Variants in KANK1 observed in about 807,000 individuals in gnomAD.
KANK1 encodes KN motif and ankyrin repeat domain-containing protein 1.
In KANK1, 109 loss-of-function variants were observed where a neutral mutation model predicts 106.2. That is an observed-to-expected ratio of 1.03 (90% CI 0.88 to 1.20). The LOEUF (loss-of-function observed/expected upper bound fraction) is 1.20. Among genes scored for constraint, KANK1 ranks in the 50% most tolerant of loss-of-function variants. The pLI, the probability that KANK1 is intolerant of heterozygous loss-of-function variation, is 0.00. For synonymous variants in KANK1, 873 were observed against 652.2 expected (o/e 1.34, Z -5.16); for missense variants, 2,399 against 1,710.7 (o/e 1.40, Z -7.10).
At chr9:496,329 G>T (rs543146367) in intron 3 of KANK1, among the ~76,000 whole-genome samples, 1 of 152,100 alleles carries the variant, frequency 6.6e-6, no homozygotes, top group Admixed American at 6.5e-5. Context: ...CGAGGCGAGC[G>T]GATCACTTGA....
chr9:482,713 C>T (rs1354432084), intron 3 of KANK1, among the ~76,000 whole-genome samples: 11 of 152,210 alleles, frequency 7.2e-5, no homozygotes. Flanking sequence ...ACCTGCTGGC[C>T]TATCATTGGA....
intron 1 of KANK1, among the ~76,000 whole-genome samples, chr9:624,873 G>C (rs1242009759): frequency 2.0e-5 from 3 of 152,138 alleles, no homozygotes; most frequent in Admixed American, 6.5e-5. Flanking sequence ...CCACCAGTGA[G>C]AGCCCATCTC....
At chr9:551,150 A>C (rs568387603) in intron 1 of KANK1, among the ~76,000 whole-genome samples, 3 of 151,990 alleles carry the variant, frequency 2.0e-5, no homozygotes, top group African/African-American at 7.2e-5. Flanking sequence ...GATTGTCATA[A>C]GAAGCTCAGG....
chr9:724,327 G>A (rs75461441), intron 3 of KANK1, among the ~76,000 whole-genome samples: 2,033 of 152,174 alleles, frequency 0.013, 61 homozygotes, highest in African/African-American at 0.047. Flanking sequence ...GAAACCAGAT[G>A]TTTTCTAATC....
intron 1 of KANK1, among the ~76,000 whole-genome samples, chr9:631,485 C>T (rs1453877170): frequency 6.6e-6 from 1 of 152,146 alleles, no homozygotes; most frequent in Admixed American, 6.6e-5. Context: ...CCAGCCCAGA[C>T]CTCCCTCCTA....
chr9:574,854 CAAAAAAAA>C (rs57091352), intron 1 of KANK1, among the ~76,000 whole-genome samples: 2 of 79,206 alleles, frequency 2.5e-5, no homozygotes, highest in Non-Finnish European at 6.2e-5. Context: ...GACTCCGTCT[CAAAAAAAA>C]AAAAAAAAGA....
intron 1 of KANK1, among the ~76,000 whole-genome samples, chr9:666,014 T>TAA (rs562316511): frequency 2.7e-5 from 4 of 150,912 alleles, no homozygotes; most frequent in Non-Finnish European, 5.9e-5. Flanking sequence ...ACCTCATCTC[T>TAA]AAAAAAAAAT....
At chr9:744,220 A>T (rs1293230547) in intron 10 of KANK1, among the ~76,000 whole-genome samples, 1 of 149,440 alleles carries the variant, frequency 6.7e-6, no homozygotes, top group Non-Finnish European at 1.5e-5. Flanking sequence ...TTCTATCCCC[A>T]TCTTCTGCTT....
Position 497,149 on chromosome 9 carries a change from G to T in KANK1, c.-362+23876G>T, listed in dbSNP as rs117535597. On this transcript the variant is annotated intron_variant, in intron 3 of 15. Coordinates refer to the KANK1 transcript ENST00000382303. ...AAACAGTTGTTTCCAGGAACCAGAA[G>T]TGTGGGGCTATCATATGCAAGTTGT... Among the ~76,000 whole-genome samples the T allele has an allele frequency of 2.0e-5, 3 of 152,210 alleles. No individual in the cohort carries two copies. The East Asian group carries it at 5.8e-4, about 29-fold the overall frequency.
intron 3 of KANK1, among the ~76,000 whole-genome samples, chr9:499,100 C>G (rs2058505576): frequency 2.0e-5 from 3 of 151,676 alleles, no homozygotes; most frequent in Admixed American, 2.0e-4. Flanking sequence ...ATGGCATGAA[C>G]CTGGGAGGCG....
intron 1 of KANK1, among the ~76,000 whole-genome samples, chr9:598,052 G>T (rs1826662683): frequency 6.6e-6 from 1 of 151,676 alleles, no homozygotes; most frequent in Non-Finnish European, 1.5e-5. Flanking sequence ...ATATGGTATG[G>T]GGTAGGGGCC....
Position 711,232 on chromosome 9 carries a change from A to G in KANK1, c.466A>G (p.Lys156Glu), listed in dbSNP as rs762757246. Residue 156 changes from lysine to glutamate, a missense_variant, in exon 3 of 12, where the codon AAG (lysine) becomes GAG (glutamate). By Grantham distance (56) the Lys-to-Glu change is moderately conservative. Transcript: ENST00000382297. ...QLPKHNLHVTKTLMETRRRLE... is the reference protein window; with the variant it reads ...QLPKHNLHVTETLMETRRRLE... ...CCCAAAGCATAACCTTCATGTCACC[A>G]AGACACTGATGGAGACCCGGAGAAG... 27 of 1,613,992 alleles carry G rather than the reference A, an allele frequency of 1.7e-5. No homozygotes were observed. Among genetic ancestry groups the G allele is most frequent in the South Asian group, 1.1e-5 (1 of 91,074 alleles).
At chr9:670,950 T>A (rs13291853) in intron 1 of KANK1, among the ~76,000 whole-genome samples, 1 of 5,362 alleles carries the variant, frequency 1.9e-4, no homozygotes, top group South Asian at 6.3e-3. Context: ...TCTGCTGGAG[T>A]TTTTTTTTTT....
chr9:515,887 G>A lies in KANK1; in HGVS notation c.-84+11133G>A, dbSNP rs557483628. Among the ~76,000 whole-genome samples the A allele has an allele frequency of 1.4e-3, 218 of 151,894 alleles. 1 individual carries two copies. Among genetic ancestry groups the A allele is most frequent in the Non-Finnish European group, 2.0e-3 (139 of 68,026 alleles). ...AAGGAAACCTCACGTGTGGTTTGAT[G>A]TGTTTGAGTTCGTTTTGATTTATTT... On this transcript the variant is annotated intron_variant, in intron 1 of 11. Transcript: ENST00000382297.
chr9:502,563 G>A (rs2058575753), upstream of KANK1, among the ~76,000 whole-genome samples: 1 of 147,404 alleles, frequency 6.8e-6, no homozygotes, highest in Non-Finnish European at 1.5e-5. Flanking sequence ...GTGCTCTGTC[G>A]CCCAGGCCAA....
chr9:585,294 C>G (rs186041859), intron 1 of KANK1, among the ~76,000 whole-genome samples: 8 of 152,194 alleles, frequency 5.3e-5, no homozygotes, highest in Non-Finnish European at 7.3e-5. Flanking sequence ...AGAGTTTGGT[C>G]TTAAAATGGT....
intron 2 of KANK1, among the ~76,000 whole-genome samples, chr9:706,070 AAAT>A (rs1173794645): frequency 1.3e-5 from 2 of 152,222 alleles, no homozygotes; most frequent in Admixed American, 6.5e-5. Context: ...GATATTAAAA[AAAT>A]AATGACACCG....
chr9:718,387 G>T (rs528020508), intron 3 of KANK1, among the ~76,000 whole-genome samples: 2 of 143,708 alleles, frequency 1.4e-5, no homozygotes, highest in Non-Finnish European at 3.0e-5. Flanking sequence ...ATCACAGCTT[G>T]CTGTAGCCTG....
At chr9:491,704 G>A (rs1398991291) in intron 3 of KANK1, among the ~76,000 whole-genome samples, 1 of 152,196 alleles carries the variant, frequency 6.6e-6, no homozygotes, top group Non-Finnish European at 1.5e-5. Flanking sequence ...TAAAGCAGGA[G>A]TGATATGGTT....
Sources: allele counts gnomAD v4.1 joint callset (sites outside exome capture counted in the v4.1 genomes callset), GRCh38; gene constraint gnomAD v4.1.1; transcripts MANE v1.5; gene names NCBI Gene and HGNC (gene_info 2026-07-23, HGNC 2026-07-21).